ST6GALNAC3: variants seen among roughly 807,000 people sequenced by gnomAD.
ST6GALNAC3 encodes the protein alpha-N-acetylgalactosaminide alpha-2,6-sialyltransferase 3.
Under a neutral mutation model 32.7 loss-of-function variants are expected in ST6GALNAC3, and 25 were observed. The observed-to-expected ratio is 0.76, with a 90% CI of 0.56 to 1.07. ST6GALNAC3 has a LOEUF of 1.07. ST6GALNAC3 is among the 50% of genes least tolerant of loss of function. The pLI is 0.00. For synonymous variants in ST6GALNAC3, 129 were observed against 133.1 expected (o/e 0.97, Z 0.21); for missense variants, 355 against 382.4 (o/e 0.93, Z 0.60).
In ST6GALNAC3 at chr1:76,154,241, A is replaced by T. The variant is rs971494507; in HGVS notation, c.18+79357A>T. 2.6e-5 allele frequency among the ~76,000 whole-genome samples: 4 copies of T among 152,104 alleles called. No homozygotes were observed. In the East Asian group the frequency reaches 7.7e-4, roughly 29 times the overall value. ...TGAATCCAACCCAGGCTGACCCCGT[A>T]GCCGGTGGTGCATTGGCCCTCACAG... is the stretch of plus-strand genomic sequence containing the variant. On this transcript the variant is annotated intron_variant, in intron 1 of 4. Transcript: ENST00000328299.
At chr1:76,393,572 A>G (rs2101166263) in intron 2 of ST6GALNAC3, among the ~76,000 whole-genome samples, 1 of 152,322 alleles carries the variant, frequency 6.6e-6, no homozygotes, top group African/African-American at 2.4e-5. Flanking sequence ...GAAGGTATCA[A>G]GTATATGATG....
At chr1:76,107,628 T>C (rs567427459) in intron 1 of ST6GALNAC3, among the ~76,000 whole-genome samples, 28 of 152,342 alleles carry the variant, frequency 1.8e-4, no homozygotes, top group African/African-American at 6.7e-4. Context: ...TCCTTATTAA[T>C]CAGTGTGAGC....
At chr1:76,399,279 C>T (rs1020385276) in intron 2 of ST6GALNAC3, among the ~76,000 whole-genome samples, 6 of 152,062 alleles carry the variant, frequency 3.9e-5, no homozygotes, top group African/African-American at 1.4e-4. Context: ...AAAATTTTCT[C>T]CTGCACTTTC....
chr1:76,215,655 G>A (rs141952965), intron 1 of ST6GALNAC3, among the ~76,000 whole-genome samples: 123 of 152,326 alleles, frequency 8.1e-4, no homozygotes, highest in African/African-American at 2.6e-3. Context: ...ATCTTGGAGC[G>A]TATCAGGAAG....
intron 1 of ST6GALNAC3, among the ~76,000 whole-genome samples, chr1:76,191,202 C>A (rs1261824950): frequency 2.0e-5 from 3 of 151,986 alleles, no homozygotes; most frequent in African/African-American, 7.3e-5. Flanking sequence ...TTTAGACAAG[C>A]CTTGAGCATG....
At chr1:76,577,196 T>C in intron 3 of ST6GALNAC3, 1 of 1,012,924 alleles carries the variant, frequency 9.9e-7, no homozygotes, top group Non-Finnish European at 1.2e-6. Flanking sequence ...TTATTAAATC[T>C]TATCAAAGCA....
intron 1 of ST6GALNAC3, among the ~76,000 whole-genome samples, chr1:76,175,051 T>C (rs1652765641): frequency 2.0e-5 from 3 of 152,332 alleles, no homozygotes; most frequent in African/African-American, 7.2e-5. Flanking sequence ...CTTAATCTGT[T>C]CTTCCTGGAC....
At chr1:76,540,873 T>G (rs1663947297) in intron 3 of ST6GALNAC3, among the ~76,000 whole-genome samples, 1 of 152,204 alleles carries the variant, frequency 6.6e-6, no homozygotes, top group Admixed American at 6.5e-5. Context: ...AACACTGACC[T>G]TTGCCTTTAA....
intron 2 of ST6GALNAC3, among the ~76,000 whole-genome samples, chr1:76,388,323 A>G (rs1473441240): frequency 1.3e-5 from 2 of 152,180 alleles, no homozygotes; most frequent in Non-Finnish European, 2.9e-5. Context: ...TGCCCATTAG[A>G]TAGCATTATC....
intron 1 of ST6GALNAC3, among the ~76,000 whole-genome samples, chr1:76,075,191 C>A (rs928672171): frequency 3.3e-5 from 5 of 152,070 alleles, no homozygotes; most frequent in African/African-American, 9.7e-5. Flanking sequence ...GAGGGGTGTT[C>A]CCGCGGGTCC....
intron 1 of ST6GALNAC3, among the ~76,000 whole-genome samples, chr1:76,103,475 G>C (rs911807549): frequency 6.6e-6 from 1 of 151,996 alleles, no homozygotes; most frequent in Non-Finnish European, 1.5e-5. Flanking sequence ...CCTTTATTAA[G>C]TTATTAATTT....
intron 1 of ST6GALNAC3, among the ~76,000 whole-genome samples, chr1:76,246,069 T>C (rs1014059756): frequency 6.6e-6 from 1 of 152,226 alleles, no homozygotes; most frequent in African/African-American, 2.4e-5. Flanking sequence ...TCTAAGAACT[T>C]GCTCTATGAA....
rs1386085130 is a variant in ST6GALNAC3, at chr1:76,631,145, G to A, written c.*2339G>A. The A allele has an allele frequency of 5.9e-6, 3 of 512,658 alleles. No individual in the cohort carries two copies. The highest frequency in any genetic ancestry group is 4.2e-5 in the African/African-American group (2 of 47,822). The allele number at this position is 512,658 out of a possible 1,614,324, so 31.8% of individuals were successfully genotyped here. A position where few individuals can be genotyped will look rare whatever the true frequency, so the allele number is the denominator to read the frequency against. ...ATAGCAGAAGGTGTGTGTGGAATAT[G>A]TAGACTCCAGTGTTTTCTTAGGAGG... On this transcript the variant is annotated 3_prime_UTR_variant, in exon 5 of 5. Coordinates refer to ENST00000328299, the MANE Select transcript of ST6GALNAC3 (RefSeq NM_152996.4).
chr1:76,316,225 T>C (rs1244108937), intron 2 of ST6GALNAC3, among the ~76,000 whole-genome samples: 1 of 152,084 alleles, frequency 6.6e-6, no homozygotes, highest in Admixed American at 6.6e-5. Flanking sequence ...AGCTCCACTG[T>C]TGTATTGAGC....
chr1:76,576,435 T>C (rs1646808559), intron 3 of ST6GALNAC3, among the ~76,000 whole-genome samples: 1 of 152,086 alleles, frequency 6.6e-6, no homozygotes, highest in Non-Finnish European at 1.5e-5. Flanking sequence ...GTTAATTGTT[T>C]GCTCCCAATC....
At chr1:76,330,934 C>A (rs1293816682) in intron 2 of ST6GALNAC3, among the ~76,000 whole-genome samples, 2 of 152,144 alleles carry the variant, frequency 1.3e-5, no homozygotes, top group Non-Finnish European at 2.9e-5. Context: ...CATTCCACAG[C>A]CTTTTGCCTG....
At chr1:76,258,486 G>T (rs1383564186) in intron 1 of ST6GALNAC3, among the ~76,000 whole-genome samples, 1 of 152,234 alleles carries the variant, frequency 6.6e-6, no homozygotes, top group Non-Finnish European at 1.5e-5. Context: ...GAGCCATCAG[G>T]GTTTCAGTTT....
chr1:76,267,355 C>G (rs12028135), intron 1 of ST6GALNAC3, among the ~76,000 whole-genome samples: 1 of 152,064 alleles, frequency 6.6e-6, no homozygotes, highest in Non-Finnish European at 1.5e-5. Context: ...CCAGCCCACT[C>G]GAGCTCTGTC....
intron 2 of ST6GALNAC3, among the ~76,000 whole-genome samples, chr1:76,368,216 A>C (rs1042203229): frequency 2.6e-5 from 4 of 152,180 alleles, no homozygotes; most frequent in Non-Finnish European, 5.9e-5. Flanking sequence ...AAAACCATCT[A>C]TAGGCAATAG....
Sources: allele counts gnomAD v4.1 joint callset (sites outside exome capture counted in the v4.1 genomes callset), GRCh38; gene constraint gnomAD v4.1.1; transcripts MANE v1.5; gene names NCBI Gene and HGNC (gene_info 2026-07-23, HGNC 2026-07-21).